Variants in PON2 observed in about 807,000 individuals in gnomAD.
The protein encoded by PON2 is serum paraoxonase/arylesterase 2.
Under a neutral mutation model 36.6 loss-of-function variants are expected in PON2, and 27 were observed. That is an observed-to-expected ratio of 0.74 (90% CI 0.54 to 1.02). The LOEUF (loss-of-function observed/expected upper bound fraction) is 1.02, where lower values mean the gene tolerates loss of function less well. Ranked by LOEUF, PON2 falls within the 50% of genes least tolerant of loss-of-function variation. PON2 has a pLI of 0.00. For missense variants in PON2, 363 were observed against 421.1 expected (o/e 0.86, Z 1.21); for synonymous variants, 149 against 156.3 (o/e 0.95, Z 0.35).
At chr7:95,424,160 A>G (rs1789259668) in intron 2 of PON2, 3 of 325,186 alleles carry the variant, frequency 9.2e-6, no homozygotes, top group Admixed American at 4.5e-5. Flanking sequence ...CACTGCCTAC[A>G]TAAAGCTTCC....
intron 2 of PON2, among the ~76,000 whole-genome samples, chr7:95,419,492 T>C (rs1035565684): frequency 1.7e-4 from 26 of 152,352 alleles, no homozygotes; most frequent in African/African-American, 5.3e-4. Context: ...TCTCTTCTTA[T>C]TACTTTAGCA....
chr7:95,405,414 G>C lies in PON2; in HGVS notation c.981C>G (p.Leu327=), dbSNP rs1198319171. 6.2e-7 allele frequency: 1 copy of C among 1,613,622 alleles called. No homozygotes were observed. The highest frequency in any genetic ancestry group is 8.5e-7 in the Non-Finnish European group (1 of 1,179,702). Residue 327 remains leucine, a synonymous_variant, in exon 9 of 9, where the codon CTC becomes CTG. Coordinates refer to ENST00000222572, the MANE Select transcript of PON2 (RefSeq NM_000305.3). ...TTVYANNGSV[L]QGSSVASVYD... ...ACACTGAGGCTACAGAACTTCCTTG[G>C]AGAACAGACCCATTGTTGGCATAAA...
At chr7:95,417,442 A>G (rs1585754063) in intron 2 of PON2, among the ~76,000 whole-genome samples, 2 of 152,190 alleles carry the variant, frequency 1.3e-5, no homozygotes, top group East Asian at 3.8e-4. Context: ...TTGGGCTTCA[A>G]AGTATCTGTG....
At chr7:95,406,913 G>A in intron 7 of PON2, 74 bp downstream of exon 7, 1 of 900,848 alleles carries the variant, frequency 1.1e-6, no homozygotes, top group Non-Finnish European at 1.8e-6. Flanking sequence ...TCTACGTGTG[G>A]TACTCTTATA....
chr7:95,417,919 T>C (rs1476462286), intron 2 of PON2, among the ~76,000 whole-genome samples: 2 of 152,204 alleles, frequency 1.3e-5, no homozygotes, highest in African/African-American at 4.8e-5. Flanking sequence ...TTTTTTTCTT[T>C]ATACTTTGTT....
intron 6 of PON2, 109 bp downstream of exon 6, chr7:95,409,792 A>G: frequency 1.3e-6 from 1 of 758,882 alleles, no homozygotes; most frequent in South Asian, 1.5e-5. Flanking sequence ...TGTATAATAT[A>G]CCATAAATGT....
intron 2 of PON2, among the ~76,000 whole-genome samples, chr7:95,422,631 A>C (rs1447091361): frequency 1.3e-5 from 2 of 152,246 alleles, no homozygotes; most frequent in Non-Finnish European, 2.9e-5. Context: ...ATAAAAAGAA[A>C]AAGATGGAAG....
At chr7:95,409,712 G>A (rs1410421498) in intron 6 of PON2, 189 bp downstream of exon 6, 1 of 186,280 alleles carries the variant, frequency 5.4e-6, no homozygotes, top group African/African-American at 2.4e-5. Context: ...ATAAATACAT[G>A]TGACTAAGTA....
At chr7:95,405,629 TTTAAA>T (rs767849574) in intron 8 of PON2, 141 bp from the exon 9 acceptor site, 37 of 853,258 alleles carry the variant, frequency 4.3e-5, no homozygotes, top group African/African-American at 6.7e-5. Context: ...CTTTTTAATG[TTTAAA>T]TTAAAGTACT....
At chr7:95,420,940 C>T (rs922095253) in intron 2 of PON2, among the ~76,000 whole-genome samples, 4 of 151,786 alleles carry the variant, frequency 2.6e-5, no homozygotes, top group South Asian at 2.1e-4. Flanking sequence ...ACATAGCATT[C>T]GACAAACGTT....
chr7:95,416,404 G>C, intron 2 of PON2, 107 bp from the exon 3 acceptor site: 1 of 1,251,964 alleles, frequency 8.0e-7, no homozygotes, highest in Non-Finnish European at 1.2e-6. Flanking sequence ...TATCTTTAGG[G>C]ATGGTTCTGA....
In PON2 at chr7:95,426,673, T is replaced by C. The variant is rs140565909; in HGVS notation, c.75-2088A>G. On this transcript the variant is annotated intron_variant, in intron 1 of 8. Coordinates refer to ENST00000222572, the MANE Select transcript of PON2 (RefSeq NM_000305.3). ...TCTCTATAGGTGTCAGTCTTCTTTA[T>C]GGATAAAATAAGGATGAGCCTAAAA... 7.2e-4 allele frequency among the ~76,000 whole-genome samples: 110 copies of C among 152,328 alleles called. No individual in the cohort carries two copies. In the East Asian group the frequency reaches 0.019, roughly 27 times the overall value.
intron 1 of PON2, among the ~76,000 whole-genome samples, chr7:95,429,029 C>T (rs1356365217): frequency 6.6e-6 from 1 of 151,482 alleles, no homozygotes; most frequent in Admixed American, 6.6e-5. Context: ...GTCCACAAAG[C>T]ATGAACTTTT....
Position 95,424,498 on chromosome 7 carries a change from C to T in PON2, c.145+17G>A, listed in dbSNP as rs745838095. Reference sequence around the variant, plus strand: ...CAAAAAATGCAATGTGCCCAACAAGCATTTTCATATACATACCAATTCCTT... The same window carrying T: ...CAAAAAATGCAATGTGCCCAACAAGTATTTTCATATACATACCAATTCCTT... On this transcript the variant is annotated intron_variant, in intron 2 of 8. Transcript: ENST00000222572. The T allele has an allele frequency of 2.5e-6, 4 of 1,603,412 alleles. No individual in the cohort carries two copies. Among genetic ancestry groups the T allele is most frequent in the East Asian group, 4.5e-5 (2 of 44,796 alleles).
Position 95,411,536 on chromosome 7 carries a change from C to T in PON2, c.494+117G>A. 2.3e-6 allele frequency: 3 copies of T among 1,277,392 alleles called. No individual in the cohort carries two copies. In the South Asian group the frequency reaches 4.0e-5, roughly 17 times the overall value. The allele number at this position is 1,277,392 out of a possible 1,614,324, so 79.1% of individuals were successfully genotyped here. A position where few individuals can be genotyped will look rare whatever the true frequency, so the allele number is the denominator to read the frequency against. On this transcript the variant is annotated intron_variant, in intron 5 of 8. Transcript: ENST00000222572. ...ATAAGGAAATATAAGCTCTTTAGCT[C>T]TTACATATTAGCTAATATATACATT... is the stretch of plus-strand genomic sequence containing the variant.
intron 2 of PON2, 122 bp downstream of exon 2, chr7:95,424,393 T>C: frequency 1.3e-6 from 1 of 794,682 alleles, no homozygotes; most frequent in Non-Finnish European, 2.2e-6. Context: ...GAGGTTTTTG[T>C]TGATCTAATG....
intron 2 of PON2, among the ~76,000 whole-genome samples, chr7:95,418,737 G>A (rs1482782950): frequency 6.6e-6 from 1 of 152,028 alleles, no homozygotes; most frequent in Non-Finnish European, 1.5e-5. Flanking sequence ...TGATATTTAT[G>A]TAAATATGTG....
At chr7:95,415,894 G>GT (rs1789051361) in intron 3 of PON2, 1 of 242,126 alleles carries the variant, frequency 4.1e-6, no homozygotes, top group Non-Finnish European at 8.1e-6. Context: ...GGAGGTTGCA[G>GT]TAAGCTGAGA....
intron 3 of PON2, chr7:95,412,699 C>T: frequency 1.8e-6 from 1 of 552,330 alleles, no homozygotes; most frequent in Admixed American, 3.1e-5. Context: ...GATTTATTCT[C>T]TTCAGAGAGT....
Sources: allele counts gnomAD v4.1 joint callset (sites outside exome capture counted in the v4.1 genomes callset), GRCh38; gene constraint gnomAD v4.1.1; transcripts MANE v1.5; gene names NCBI Gene and HGNC (gene_info 2026-07-23, HGNC 2026-07-21).